Variants in KCTD4 observed in about 807,000 individuals in gnomAD.
The protein encoded by KCTD4 is BTB/POZ domain-containing protein KCTD4.
Under a neutral mutation model 18.3 loss-of-function variants are expected in KCTD4, and 12 were observed. That is an observed-to-expected ratio of 0.66 (90% CI 0.42 to 1.06). The LOEUF is 1.06. KCTD4 is among the 50% of genes least tolerant of loss of function. The probability of loss-of-function intolerance (pLI) is 0.00; values close to 1 mark genes in which losing one functional copy is unlikely to be tolerated. For synonymous variants in KCTD4, 124 were observed against 110.5 expected, an observed-to-expected ratio of 1.12 and a Z score of -0.76; for missense variants, 250 against 303.4, an observed-to-expected ratio of 0.82 and a Z score of 1.31.
Position 45,200,941 on chromosome 13 carries a change from GA to G in KCTD4, c.-306del, listed in dbSNP as rs1408925841. ...ACTTCGAGGTCTGGAGGATCAGCCT[GA>G]AATGTTGGTCAGTAGTCCTCTGGTC... On this transcript the variant is annotated 5_prime_UTR_variant, in exon 1 of 2. It removes the in-frame stop codon of an upstream open reading frame in the 5' UTR. Coordinates refer to ENST00000379108, the MANE Select transcript of KCTD4 (RefSeq NM_198404.3). 6.6e-6 allele frequency among the ~76,000 whole-genome samples: 1 copy of G among 152,198 alleles called. No individual in the cohort carries two copies. The highest frequency in any genetic ancestry group is 2.4e-5 in the African/African-American group (1 of 41,444).
In KCTD4 at chr13:45,194,735, C is replaced by CCTAT. The variant is rs1872808125; in HGVS notation, c.-172_-169dup. On this transcript the variant is annotated 5_prime_UTR_variant, in exon 2 of 2. Transcript: ENST00000379108. ...GGTTTTGCAGTAGGTGGCGTATCAG[C>CCTAT]CTATGTATGCAGGAGCTTTCTGGAG... 3 of 632,290 alleles carry CCTAT rather than the reference C, an allele frequency of 4.7e-6. No homozygotes were observed. The highest frequency in any genetic ancestry group is 8.5e-6 in the Non-Finnish European group (3 of 352,202). 39.2% of individuals were successfully genotyped at this position (632,290 alleles called of 1,614,324 possible). A position where few individuals can be genotyped will look rare whatever the true frequency, so the allele number is the denominator to read the frequency against.
chr13:45,196,628 G>A (rs191235609), intron 1 of KCTD4, among the ~76,000 whole-genome samples: 2 of 152,264 alleles, frequency 1.3e-5, no homozygotes, highest in Non-Finnish European at 2.9e-5. Flanking sequence ...GAACTTTATA[G>A]GATACCAGAA....
intron 1 of KCTD4, among the ~76,000 whole-genome samples, chr13:45,195,592 T>A (rs1872850619): frequency 6.6e-6 from 1 of 152,192 alleles, no homozygotes. Flanking sequence ...ACCTTGTTTT[T>A]CAACTTGGGA....
intron 1 of KCTD4, among the ~76,000 whole-genome samples, chr13:45,200,565 A>G (rs925492013): frequency 6.6e-6 from 1 of 152,270 alleles, no homozygotes; most frequent in Middle Eastern, 3.4e-3. Context: ...AAGTGTTGGG[A>G]TTACAGATGT....
chr13:45,198,471 A>G (rs185101253), intron 1 of KCTD4, among the ~76,000 whole-genome samples: 3 of 152,334 alleles, frequency 2.0e-5, no homozygotes, highest in Admixed American at 1.3e-4. Flanking sequence ...ACACTCTTCA[A>G]GGAAAAGGAA....
rs1256816222 is a variant in KCTD4 at position 45,194,696 on chromosome 13, T to C, written c.-129A>G. The C allele has an allele frequency of 9.7e-6, 8 of 823,348 alleles. No individual in the cohort carries two copies. The highest frequency in any genetic ancestry group is 1.6e-5 in the Non-Finnish European group (8 of 514,440). 51.0% of individuals were successfully genotyped at this position (823,348 alleles called of 1,614,324 possible). On this transcript the variant is annotated 5_prime_UTR_variant, in exon 2 of 2. Transcript: ENST00000379108. ...GAATGGAAACGCTGGCAGCATCGCCTGCGCTGTCAGCTCGGTTTTGCAGTA... is the reference window on the plus strand; with the variant it reads ...GAATGGAAACGCTGGCAGCATCGCCCGCGCTGTCAGCTCGGTTTTGCAGTA...
At position 45,193,889 on chromosome 13, in the gene KCTD4, C is replaced by A; in HGVS notation, c.679G>T (p.Ala227Ser). 1.9e-6 allele frequency: 3 copies of A among 1,614,104 alleles called. No individual in the cohort carries two copies. Among genetic ancestry groups the A allele is most frequent in the Non-Finnish European group, 2.5e-6 (3 of 1,179,990 alleles). The change falls in exon 2 of 2, where the codon GCT (alanine) becomes TCT (serine). Residue 227 changes from alanine to serine, a missense_variant. Ala to Ser is a moderately conservative substitution (Grantham distance 99). Transcript: ENST00000379108. ...VCTLETLKFE[A>S]IMMALKCGFR... ...CCACACTTTAAAGCCATCATGATAG[C>A]CTCAAACTTAAGAGTTTCCAAGGTA... is the stretch of plus-strand genomic sequence containing the variant.
At position 45,194,156 on chromosome 13, in the gene KCTD4, T is replaced by C; in HGVS notation, c.412A>G (p.Arg138Gly). The C allele has an allele frequency of 6.2e-7, 1 of 1,614,156 alleles. No individual in the cohort carries two copies. Among genetic ancestry groups the C allele is most frequent in the South Asian group, 1.1e-5 (1 of 91,090 alleles). Residue 138 changes from arginine (R) to glycine (G), a missense_variant, in exon 2 of 2, where the codon AGA (arginine) becomes GGA (glycine). Coordinates refer to ENST00000379108, the MANE Select transcript of KCTD4 (RefSeq NM_198404.3). ...SRWEKEQLTP[R>G]ETTFLEITDN... ...GTTATTTCCAAGAAAGTAGTCTCTC[T>C]GGGTGTTAGCTGTTCTTTCTCCCAC...
intron 1 of KCTD4, among the ~76,000 whole-genome samples, chr13:45,200,585 T>C (rs1159018531): frequency 1.3e-5 from 2 of 152,214 alleles, no homozygotes; most frequent in African/African-American, 2.4e-5. Context: ...TGAGCCACCA[T>C]GCGTGGCAAA....
chr13:45,194,056 C>G lies in KCTD4; in HGVS notation c.512G>C (p.Arg171Pro). The G allele has an allele frequency of 6.2e-7, 1 of 1,614,092 alleles. No individual in the cohort carries two copies. The highest frequency in any genetic ancestry group is 2.2e-5 in the East Asian group (1 of 44,878). Residue 171 changes from arginine to proline, a missense_variant, in exon 2 of 2, where the codon CGC becomes CCC. Physicochemically the swap from Arg to Pro is moderately radical, Grantham distance 103. Coordinates refer to ENST00000379108, the MANE Select transcript of KCTD4 (RefSeq NM_198404.3). The stretch of plus-strand genomic sequence containing the variant: ...CCTGCTTTTGGACACCAGAACAATG[C>G]GAGACTTTATTTTTGATATGAAATC... ...APDFISKIKS[R>P]IVLVSKSRLD...
At chr13:45,195,920 T>C (rs918635828) in intron 1 of KCTD4, among the ~76,000 whole-genome samples, 1 of 152,128 alleles carries the variant, frequency 6.6e-6, no homozygotes, top group Non-Finnish European at 1.5e-5. Flanking sequence ...CCTCCCAGAG[T>C]GCTGGGATTA....
At position 45,193,769 on chromosome 13, in the gene KCTD4, T is replaced by G. The variant is rs777188983; in HGVS notation, c.*19A>C. On this transcript the variant is annotated 3_prime_UTR_variant, in exon 2 of 2. Transcript: ENST00000379108. ...CTTGCTGGCTGCATGCTTGTTGCCT[T>G]TGTTCGTGACACAGGTAATTACTTG... 6.4e-7 allele frequency: 1 copy of G among 1,550,666 alleles called. No individual in the cohort carries two copies. The highest frequency in any genetic ancestry group is 8.7e-7 in the Non-Finnish European group (1 of 1,153,178).
chr13:45,193,891 T>G lies in KCTD4; in HGVS notation c.677A>C (p.Glu226Ala). Residue 226 changes from glutamate to alanine, a missense_variant, in exon 2 of 2, where the codon GAG (glutamate) becomes GCG (alanine). Glu to Ala is a moderately radical substitution (Grantham distance 107). Coordinates refer to ENST00000379108, the MANE Select transcript of KCTD4 (RefSeq NM_198404.3). Reference protein sequence around the residue: ...FVCTLETLKFEAIMMALKCGF... With the variant: ...FVCTLETLKFAAIMMALKCGF... ...ACACTTTAAAGCCATCATGATAGCCTCAAACTTAAGAGTTTCCAAGGTACA... is the reference window on the plus strand; with the variant it reads ...ACACTTTAAAGCCATCATGATAGCCGCAAACTTAAGAGTTTCCAAGGTACA... 1 of 1,614,168 alleles carries G rather than the reference T, an allele frequency of 6.2e-7. No homozygotes were observed. Among genetic ancestry groups the G allele is most frequent in the Admixed American group, 1.7e-5 (1 of 60,016 alleles).
intron 1 of KCTD4, among the ~76,000 whole-genome samples, chr13:45,196,406 AT>A (rs1872893247): frequency 6.6e-6 from 1 of 152,146 alleles, no homozygotes; most frequent in South Asian, 2.1e-4. Context: ...GTTTGTCTTG[AT>A]TTTGCTTTTT....
In KCTD4 at chr13:45,194,668, A is replaced by G. The variant is rs1872803522; in HGVS notation, c.-101T>C. 2.7e-6 allele frequency: 3 copies of G among 1,108,462 alleles called. No homozygotes were observed. Among genetic ancestry groups the G allele is most frequent in the Non-Finnish European group, 3.9e-6 (3 of 765,060 alleles). 68.7% of individuals were successfully genotyped at this position (1,108,462 alleles called of 1,614,324 possible). On this transcript the variant is annotated 5_prime_UTR_variant, in exon 2 of 2. Transcript: ENST00000379108. ...GCCTTTATTCAGCCCCAGCCTGGTG[A>G]TGGAATGGAAACGCTGGCAGCATCG...
Position 45,193,680 on chromosome 13 carries a change from T to C in KCTD4, c.*108A>G, listed in dbSNP as rs529145408. 2.1e-6 allele frequency: 2 copies of C among 975,382 alleles called. No homozygotes were observed. Among genetic ancestry groups the C allele is most frequent in the South Asian group, 1.7e-5 (1 of 58,966 alleles). 60.4% of individuals were successfully genotyped at this position (975,382 alleles called of 1,614,324 possible). On this transcript the variant is annotated 3_prime_UTR_variant, in exon 2 of 2. Transcript: ENST00000379108. Reference sequence around the variant, plus strand: ...CACAGTAATTGATTAGTAGCAGGGCTCTGTAGTACAGAGCTAGCTGGGCAT... The same window carrying C: ...CACAGTAATTGATTAGTAGCAGGGCCCTGTAGTACAGAGCTAGCTGGGCAT...
At chr13:45,195,754 A>G (rs1292466512) in intron 1 of KCTD4, among the ~76,000 whole-genome samples, 1 of 152,218 alleles carries the variant, frequency 6.6e-6, no homozygotes, top group African/African-American at 2.4e-5. Context: ...TGTCCCCAGT[A>G]CACTATTATT....
In KCTD4 at chr13:45,194,243, G is replaced by A; in HGVS notation, c.325C>T (p.Leu109Phe). The change falls in exon 2 of 2, where the codon CTT becomes TTT. Residue 109 changes from leucine to phenylalanine, a missense_variant. Physicochemically the swap from Leu to Phe is conservative, Grantham distance 22. Coordinates refer to ENST00000379108, the MANE Select transcript of KCTD4 (RefSeq NM_198404.3). ...LLPEGFRENQ[L>F]LAQEAEFFQL... ...AAGAATTCTGCTTCTTGTGCAAGAAGTTGATTTTCTCGAAACCCTTCGGGC... is the reference window on the plus strand; with the variant it reads ...AAGAATTCTGCTTCTTGTGCAAGAAATTGATTTTCTCGAAACCCTTCGGGC... The A allele has an allele frequency of 1.2e-6, 2 of 1,614,148 alleles. No individual in the cohort carries two copies. The highest frequency in any genetic ancestry group is 1.7e-6 in the Non-Finnish European group (2 of 1,180,012).
chr13:45,200,432 G>T (rs1464981048), intron 1 of KCTD4, among the ~76,000 whole-genome samples: 2 of 151,762 alleles, frequency 1.3e-5, no homozygotes, highest in Non-Finnish European at 2.9e-5. Flanking sequence ...GGAAACTCCC[G>T]TATAGTTGGG....
Sources: allele counts gnomAD v4.1 joint callset (sites outside exome capture counted in the v4.1 genomes callset), GRCh38; gene constraint gnomAD v4.1.1; transcripts MANE v1.5; gene names NCBI Gene and HGNC (gene_info 2026-07-23, HGNC 2026-07-21).